Variants in TMEM108 observed in about 807,000 individuals in gnomAD.
The protein encoded by TMEM108 is transmembrane protein 108, also known as cancer/testis antigen 124.
A neutral mutation model predicts 35.1 loss-of-function variants in TMEM108; 12 were observed. That is an observed-to-expected ratio of 0.34 (90% CI 0.22 to 0.55). The LOEUF is 0.55. TMEM108 is among the 20% of genes least tolerant of loss of function. The pLI is 0.89. For missense variants in TMEM108, 680 were observed against 753.3 expected, an observed-to-expected ratio of 0.90 and a Z score of 1.14; for synonymous variants, 287 against 308.6, an observed-to-expected ratio of 0.93 and a Z score of 0.73.
chr3:133,166,101 T>C (rs1945032725), intron 2 of TMEM108, among the ~76,000 whole-genome samples: 1 of 152,230 alleles, frequency 6.6e-6, no homozygotes, highest in South Asian at 2.1e-4. Context: ...TGAGTTGTAA[T>C]TGTTTTAATG....
chr3:133,317,628 T>A (rs1316526083), intron 3 of TMEM108, among the ~76,000 whole-genome samples: 1 of 152,198 alleles, frequency 6.6e-6, no homozygotes, highest in Non-Finnish European at 1.5e-5. Flanking sequence ...CAACCTTTAA[T>A]GTCATCTTGG....
chr3:133,114,161 A>C (rs1443986761), intron 2 of TMEM108, among the ~76,000 whole-genome samples: 1 of 152,204 alleles, frequency 6.6e-6, no homozygotes, highest in Non-Finnish European at 1.5e-5. Context: ...GGTTGCAAAG[A>C]GATGAGCCAC....
At chr3:133,155,326 G>C (rs1464202704) in intron 2 of TMEM108, among the ~76,000 whole-genome samples, 1 of 152,094 alleles carries the variant, frequency 6.6e-6, no homozygotes, top group Admixed American at 6.6e-5. Context: ...AACATAATGT[G>C]TGCATGTGTT....
At chr3:133,313,267 A>T (rs1433206277) in intron 3 of TMEM108, among the ~76,000 whole-genome samples, 1 of 150,658 alleles carries the variant, frequency 6.6e-6, no homozygotes, top group Non-Finnish European at 1.5e-5. Flanking sequence ...GTGCGATCTC[A>T]GCTCACTGCA....
chr3:133,104,852 G>A (rs1187244136), intron 2 of TMEM108, among the ~76,000 whole-genome samples: 2 of 152,096 alleles, frequency 1.3e-5, no homozygotes, highest in East Asian at 3.9e-4. Flanking sequence ...GCCCCTGCTG[G>A]GTGCTGAGCT....
chr3:133,039,954 AT>A lies in TMEM108; in HGVS notation c.-166+1526del, dbSNP rs140055078. On this transcript the variant is annotated intron_variant, in intron 1 of 5. Transcript: ENST00000321871. ...TCAGTTTACTAGGCAAGATAAATAT[AT>A]TTTTTTAAGAGGGAACACCTAAATT... Among the ~76,000 whole-genome samples the A allele has an allele frequency of 8.5e-3, 1,291 of 152,226 alleles. 9 individuals are homozygous for A. The highest frequency in any genetic ancestry group is 0.014 in the Non-Finnish European group (921 of 68,018).
At chr3:133,314,721 G>A (rs1488536913) in intron 3 of TMEM108, among the ~76,000 whole-genome samples, 1 of 152,206 alleles carries the variant, frequency 6.6e-6, no homozygotes, top group African/African-American at 2.4e-5. Context: ...GGTAATTGGT[G>A]GATGGATAGC....
intron 3 of TMEM108, among the ~76,000 whole-genome samples, chr3:133,301,428 C>G (rs1947223612): frequency 6.6e-6 from 1 of 152,168 alleles, no homozygotes; most frequent in South Asian, 2.1e-4. Flanking sequence ...CAGGAATGAA[C>G]TGTGTCATTT....
rs1235635059 is a variant in TMEM108 at position 133,244,471 on chromosome 3, G to A, written c.40+15120G>A. ...CATGTAAGGGCTGGAGATGGCTGGT[G>A]AAGGGCTGATTGTTAAACATTTGTC... On this transcript the variant is annotated intron_variant, in intron 3 of 5. Coordinates refer to ENST00000321871, the MANE Select transcript of TMEM108 (RefSeq NM_023943.4). Among the ~76,000 whole-genome samples, 4 of 152,206 alleles carry A rather than the reference G, an allele frequency of 2.6e-5. No homozygotes were observed. The East Asian group carries it at 7.7e-4, about 29-fold the overall frequency.
At chr3:133,332,265 G>C (rs1181306419) in intron 3 of TMEM108, among the ~76,000 whole-genome samples, 1 of 152,218 alleles carries the variant, frequency 6.6e-6, no homozygotes, top group African/African-American at 2.4e-5. Context: ...ATGGCTCCCT[G>C]TAGCTCCCAG....
At chr3:133,128,381 A>G (rs553553279) in intron 2 of TMEM108, among the ~76,000 whole-genome samples, 1 of 152,342 alleles carries the variant, frequency 6.6e-6, no homozygotes, top group East Asian at 1.9e-4. Flanking sequence ...AAATTAGGAA[A>G]TAAATATTTG....
At chr3:133,386,386 G>A (rs1342819527) in intron 4 of TMEM108, 1 of 1,535,980 alleles carries the variant, frequency 6.5e-7, no homozygotes, top group Non-Finnish European at 8.7e-7. Context: ...AATCCTCAGG[G>A]GACCTGCAGG....
chr3:133,130,431 G>A (rs1261026069), intron 2 of TMEM108, among the ~76,000 whole-genome samples: 2 of 152,314 alleles, frequency 1.3e-5, no homozygotes, highest in African/African-American at 4.8e-5. Flanking sequence ...CCACTTACAT[G>A]TCTGGAGCCT....
rs140396718 is a variant in TMEM108 at position 133,235,932 on chromosome 3, T to C, written c.40+6581T>C. On this transcript the variant is annotated intron_variant, in intron 3 of 5. Transcript: ENST00000321871. ...GCGTCATCACAATCCCTGAAGACCA[T>C]GCCACTGCTGAGGAGGGTCTGAATC... Among the ~76,000 whole-genome samples the C allele has an allele frequency of 2.9e-3, 445 of 152,248 alleles. 3 individuals are homozygous for C. Among genetic ancestry groups the C allele is most frequent in the African/African-American group, 0.01 (432 of 41,554 alleles).
At chr3:133,070,628 C>G (rs1329243652) in intron 2 of TMEM108, among the ~76,000 whole-genome samples, 1 of 152,064 alleles carries the variant, frequency 6.6e-6, no homozygotes, top group Non-Finnish European at 1.5e-5. Context: ...CATTTCATAC[C>G]AAGGACTCAT....
At chr3:133,267,190 C>T (rs2107679629) in intron 3 of TMEM108, among the ~76,000 whole-genome samples, 1 of 152,170 alleles carries the variant, frequency 6.6e-6, no homozygotes, top group Non-Finnish European at 1.5e-5. Flanking sequence ...TAGTGAGTGC[C>T]TACTATGTAC....
At chr3:133,044,812 C>A (rs1943315667) in intron 1 of TMEM108, among the ~76,000 whole-genome samples, 1 of 152,150 alleles carries the variant, frequency 6.6e-6, no homozygotes, top group African/African-American at 2.4e-5. Flanking sequence ...AAAAAATTAG[C>A]TGGGCCTGGT....
chr3:133,229,389 C>T, intron 3 of TMEM108, 38 bp downstream of exon 3: 1 of 1,600,048 alleles, frequency 6.2e-7, no homozygotes, highest in Non-Finnish European at 8.5e-7. Flanking sequence ...CTAAAATATA[C>T]TAATGTTATT....
chr3:133,159,441 T>G (rs1944929585), intron 2 of TMEM108, among the ~76,000 whole-genome samples: 1 of 152,232 alleles, frequency 6.6e-6, no homozygotes, highest in African/African-American at 2.4e-5. Context: ...CTCCGTTCAC[T>G]GCAAAGGATC....
Sources: gnomAD v4.1 joint callset for allele counts (sites outside exome capture counted in the v4.1 genomes callset) on GRCh38, gnomAD v4.1.1 for gene constraint, MANE v1.5 for transcripts, NCBI Gene and HGNC (gene_info 2026-07-23, HGNC 2026-07-21) for gene names.